SLC5A1: variants seen among roughly 807,000 people sequenced by gnomAD.
The protein encoded by SLC5A1 is sodium/glucose cotransporter 1.
SLC5A1 carries 42 observed loss-of-function variants against 73.5 expected under a neutral mutation model. The observed-to-expected ratio is 0.57, with a 90% CI of 0.45 to 0.74. The LOEUF (loss-of-function observed/expected upper bound fraction) is 0.74. Ranked by LOEUF, SLC5A1 falls within the 30% of genes least tolerant of loss-of-function variation. The pLI, the probability that SLC5A1 is intolerant of heterozygous loss-of-function variation, is 0.00. For synonymous variants in SLC5A1, 300 were observed against 317.4 expected, an observed-to-expected ratio of 0.95 and a Z score of 0.58; for missense variants, 634 against 855.4, an observed-to-expected ratio of 0.74 and a Z score of 3.23.
chr22:32,109,155 C>G (rs926110356), intron 14 of SLC5A1, among the ~76,000 whole-genome samples: 11 of 152,160 alleles, frequency 7.2e-5, no homozygotes. Flanking sequence ...GCCTGGGCAA[C>G]AGAGCAAGAC....
At chr22:32,100,416 A>G (rs1293724392) in intron 12 of SLC5A1, among the ~76,000 whole-genome samples, 5 of 152,114 alleles carry the variant, frequency 3.3e-5, no homozygotes, top group African/African-American at 7.2e-5. Flanking sequence ...TCCAGATCTT[A>G]CCGGAAAGGC....
chr22:32,067,459 A>AG (rs2093975647), intron 3 of SLC5A1, among the ~76,000 whole-genome samples: 7 of 150,950 alleles, frequency 4.6e-5, no homozygotes, highest in Admixed American at 4.0e-4. Flanking sequence ...GCAGCCTCAA[A>AG]CTCCTGGGCT....
chr22:32,082,425 T>C (rs2094001499), intron 6 of SLC5A1, among the ~76,000 whole-genome samples: 2 of 152,208 alleles, frequency 1.3e-5, no homozygotes, highest in East Asian at 1.9e-4. Context: ...CTGTGTGTTT[T>C]GAACACAGTA....
chr22:32,067,183 C>A, intron 3 of SLC5A1, 144 bp downstream of exon 3: 4 of 660,696 alleles, frequency 6.1e-6, no homozygotes, highest in Non-Finnish European at 1.1e-5. Context: ...GGCATGACTT[C>A]AGGAGCCTCA....
At chr22:32,080,179 T>C (rs537124333) in intron 5 of SLC5A1, among the ~76,000 whole-genome samples, 1 of 152,064 alleles carries the variant, frequency 6.6e-6, no homozygotes, top group African/African-American at 2.4e-5. Flanking sequence ...ACTCACCATC[T>C]CTCCTCCCAC....
intron 10 of SLC5A1, among the ~76,000 whole-genome samples, chr22:32,089,535 A>G (rs767973953): frequency 1.3e-5 from 2 of 152,210 alleles, no homozygotes; most frequent in African/African-American, 2.4e-5. Context: ...GAATATAGAG[A>G]AGAGAGAGTT....
chr22:32,068,748 C>G, intron 5 of SLC5A1, 148 bp downstream of exon 5: 1 of 676,414 alleles, frequency 1.5e-6, no homozygotes, highest in Non-Finnish European at 2.7e-6. Flanking sequence ...AGTCCTATTT[C>G]TGCATCGAGG....
In SLC5A1 at chr22:32,091,833, G is replaced by A. The variant is rs1194352126; in HGVS notation, c.1280+71G>A. 7 of 1,536,438 alleles carry A rather than the reference G, an allele frequency of 4.6e-6. No homozygotes were observed. The Admixed American group carries it at 1.2e-4, about 26-fold the overall frequency. ...AGGTTCCATCTGTGTTACCCCTCAAGCTAGGGAAGGTTGGCAGATGCCTGG... is the reference window on the plus strand; with the variant it reads ...AGGTTCCATCTGTGTTACCCCTCAAACTAGGGAAGGTTGGCAGATGCCTGG... On this transcript the variant is annotated intron_variant, in intron 11 of 14. Coordinates refer to ENST00000266088, the MANE Select transcript of SLC5A1 (RefSeq NM_000343.4).
chr22:32,111,298 T>TG lies in SLC5A1; in HGVS notation c.*1085_*1086insG. ...CTCCTTGGTTGCAGATGGTCATATC[T>TG]CACTCTGTCTTCCGTGGCCTTCCTT... On this transcript the variant is annotated 3_prime_UTR_variant, in exon 15 of 15. Coordinates refer to ENST00000266088, the MANE Select transcript of SLC5A1 (RefSeq NM_000343.4). 6.6e-6 allele frequency: 1 copy of TG among 152,246 alleles called. No individual in the cohort carries two copies. Among genetic ancestry groups the TG allele is most frequent in the East Asian group, 1.9e-4 (1 of 5,174 alleles). The allele number at this position is 152,246 out of a possible 1,614,324, so 9.4% of individuals were successfully genotyped here.
chr22:32,053,191 G>GTATA (rs1217107057), intron 2 of SLC5A1, among the ~76,000 whole-genome samples: 1 of 152,130 alleles, frequency 6.6e-6, no homozygotes, highest in Non-Finnish European at 1.5e-5. Context: ...TTCCCCATTG[G>GTATA]TATATTTTGG....
intron 2 of SLC5A1, among the ~76,000 whole-genome samples, chr22:32,053,860 C>T (rs978669529): frequency 6.6e-6 from 1 of 152,170 alleles, no homozygotes; most frequent in Non-Finnish European, 1.5e-5. Context: ...CAAGGGATGC[C>T]TATCATGATT....
chr22:32,099,384 A>T (rs1569316372), intron 12 of SLC5A1, 33 bp downstream of exon 12: 1 of 1,588,698 alleles, frequency 6.3e-7, no homozygotes, highest in East Asian at 2.3e-5. Flanking sequence ...CAGAAAAGTC[A>T]TTCTGGCATA....
intron 2 of SLC5A1, among the ~76,000 whole-genome samples, chr22:32,051,356 A>T (rs1440810261): frequency 6.6e-6 from 1 of 152,168 alleles, no homozygotes; most frequent in Non-Finnish European, 1.5e-5. Context: ...CTCTTCCAGG[A>T]CTAAAATTCT....
chr22:32,072,615 T>C (rs2093984452), intron 5 of SLC5A1, among the ~76,000 whole-genome samples: 1 of 152,260 alleles, frequency 6.6e-6, no homozygotes, highest in Non-Finnish European at 1.5e-5. Context: ...GCTATTATCA[T>C]ATCTAACAAA....
At chr22:32,066,218 C>T (rs910536123) in intron 2 of SLC5A1, among the ~76,000 whole-genome samples, 1 of 152,142 alleles carries the variant, frequency 6.6e-6, no homozygotes, top group African/African-American at 2.4e-5. Flanking sequence ...AATCTGTCTT[C>T]TATAATCTGT....
At chr22:32,059,189 C>A in intron 2 of SLC5A1, 1 of 984,848 alleles carries the variant, frequency 1.0e-6, no homozygotes, top group Non-Finnish European at 1.2e-6. Context: ...CGAGATCATG[C>A]CACTGCACTC....
chr22:32,070,232 CCT>C (rs2093980640), intron 5 of SLC5A1, among the ~76,000 whole-genome samples: 1 of 19,564 alleles, frequency 5.1e-5, no homozygotes. Context: ...TCCCCTCCCC[CCT>C]CCCCTCCCCC....
chr22:32,103,241 C>A (rs2094039551), intron 13 of SLC5A1, among the ~76,000 whole-genome samples: 2 of 152,116 alleles, frequency 1.3e-5, no homozygotes, highest in Non-Finnish European at 2.9e-5. Context: ...TTCATTATTG[C>A]CTTTTTGATA....
intron 2 of SLC5A1, among the ~76,000 whole-genome samples, chr22:32,052,660 T>C (rs1018967252): frequency 2.2e-4 from 34 of 152,308 alleles, no homozygotes; most frequent in African/African-American, 7.7e-4. Flanking sequence ...GCTTTTTACC[T>C]GCATGTGCTC....
Sources: allele counts gnomAD v4.1 joint callset (sites outside exome capture counted in the v4.1 genomes callset), GRCh38; gene constraint gnomAD v4.1.1; transcripts MANE v1.5; gene names NCBI Gene and HGNC (gene_info 2026-07-23, HGNC 2026-07-21).